Variants in TMEM178B observed in about 807,000 individuals in gnomAD.
TMEM178B encodes transmembrane protein 178B.
A neutral mutation model predicts 31.0 loss-of-function variants in TMEM178B; 5 were observed. That is an observed-to-expected ratio of 0.16 (90% CI 0.08 to 0.34). The LOEUF (loss-of-function observed/expected upper bound fraction) is 0.34. Among genes scored for constraint, TMEM178B ranks in the 10% least tolerant of loss-of-function variants. TMEM178B has a pLI of 1.00. For synonymous variants in TMEM178B, 164 were observed against 164.0 expected (o/e 1.00, Z 0.00); for missense variants, 275 against 400.3 (o/e 0.69, Z 2.67).
intron 2 of TMEM178B, among the ~76,000 whole-genome samples, chr7:141,306,304 A>G (rs1415140920): frequency 6.6e-6 from 1 of 152,200 alleles, no homozygotes; most frequent in East Asian, 1.9e-4. Flanking sequence ...TAAAAGAAGC[A>G]CATGGGAGGG....
intron 2 of TMEM178B, among the ~76,000 whole-genome samples, chr7:141,345,516 A>G (rs988960279): frequency 6.6e-6 from 1 of 152,214 alleles, no homozygotes; most frequent in Non-Finnish European, 1.5e-5. Flanking sequence ...GTAGTGAATG[A>G]TAGAGTTATC....
At chr7:141,209,061 C>T (rs1008105662) in intron 1 of TMEM178B, among the ~76,000 whole-genome samples, 1 of 152,214 alleles carries the variant, frequency 6.6e-6, no homozygotes, top group Non-Finnish European at 1.5e-5. Context: ...CAAGCCTTGG[C>T]CAGCAGAGCA....
chr7:141,368,704 A>C (rs1317495627), intron 2 of TMEM178B, among the ~76,000 whole-genome samples: 1 of 152,220 alleles, frequency 6.6e-6, no homozygotes, highest in Non-Finnish European at 1.5e-5. Flanking sequence ...TCTGGTTATC[A>C]TAGAAATCCT....
intron 1 of TMEM178B, among the ~76,000 whole-genome samples, chr7:141,075,218 T>C (rs1794583666): frequency 6.6e-6 from 1 of 152,192 alleles, no homozygotes; most frequent in Non-Finnish European, 1.5e-5. Flanking sequence ...TCACAGCCCC[T>C]GTCCTGTAAG....
intron 1 of TMEM178B, among the ~76,000 whole-genome samples, chr7:141,175,349 C>G (rs553887527): frequency 1.7e-4 from 26 of 152,052 alleles, no homozygotes; most frequent in South Asian, 4.2e-4. Flanking sequence ...GTACCATGCT[C>G]TTTTGGTTAC....
chr7:141,498,614 GC>G, the TMEM178B span, among the ~76,000 whole-genome samples: 4 of 152,180 alleles, frequency 2.6e-5, no homozygotes, highest in Non-Finnish European at 5.9e-5. Context: ...TCACCAGGTG[GC>G]TGTGTTTGAT....
chr7:141,327,283 A>G (rs192944429), intron 2 of TMEM178B, among the ~76,000 whole-genome samples: 128 of 152,298 alleles, frequency 8.4e-4, no homozygotes, highest in African/African-American at 3.0e-3. Context: ...GAGTGTAGAA[A>G]GAGCTCAAAT....
chr7:141,257,679 G>A (rs1401134011), intron 2 of TMEM178B, among the ~76,000 whole-genome samples: 3 of 152,186 alleles, frequency 2.0e-5, no homozygotes, highest in African/African-American at 7.2e-5. Flanking sequence ...ATGGAGCGGG[G>A]AGGCAAGGCA....
intron 2 of TMEM178B, among the ~76,000 whole-genome samples, chr7:141,294,850 G>A (rs1057096296): frequency 4.6e-5 from 7 of 152,074 alleles, no homozygotes; most frequent in South Asian, 2.1e-4. Flanking sequence ...TGCCTTTTCC[G>A]CCTTTCAGCT....
intron 2 of TMEM178B, among the ~76,000 whole-genome samples, chr7:141,220,177 G>A (rs556474049): frequency 1.4e-5 from 2 of 145,590 alleles, no homozygotes; most frequent in African/African-American, 5.3e-5. Context: ...AATTAGCTGG[G>A]CGTGGTGACA....
intron 1 of TMEM178B, among the ~76,000 whole-genome samples, chr7:141,156,572 A>G (rs189634410): frequency 9.0e-4 from 137 of 152,374 alleles, no homozygotes; most frequent in Non-Finnish European, 1.6e-3. Context: ...TGATGCTCCC[A>G]GTGACTTCAG....
rs58548651 is a variant in TMEM178B, at chr7:141,475,788, CT to C, written c.*5013del. 0.075 allele frequency: 10,954 copies of C among 146,366 alleles called. 1,352 individuals carry two copies. Among genetic ancestry groups the C allele is most frequent in the African/African-American group, 0.25 (10,263 of 40,472 alleles). The allele number at this position is 146,366 out of a possible 1,614,324, so 9.1% of individuals were successfully genotyped here. A position where few individuals can be genotyped will look rare whatever the true frequency, so the allele number is the denominator to read the frequency against. On this transcript the variant is annotated 3_prime_UTR_variant, in exon 4 of 4. Coordinates refer to ENST00000565468, the MANE Select transcript of TMEM178B (RefSeq NM_001195278.2). ...TGCTTTCCTTCCTTCCTTTTCTTTC[CT>C]TTTTTTTTTTGGTCAGTTGCCATCT... is the stretch of plus-strand genomic sequence containing the variant.
chr7:141,280,783 C>G (rs1798343816), intron 2 of TMEM178B, among the ~76,000 whole-genome samples: 1 of 151,542 alleles, frequency 6.6e-6, no homozygotes, highest in South Asian at 2.1e-4. Context: ...GGGGTGAGAC[C>G]TGGAACTGGC....
intron 2 of TMEM178B, among the ~76,000 whole-genome samples, chr7:141,253,059 G>T (rs1262023179): frequency 1.3e-5 from 2 of 152,228 alleles, no homozygotes; most frequent in African/African-American, 2.4e-5. Flanking sequence ...GCCTCCTCCA[G>T]TTCTGTGGTG....
At chr7:141,215,660 G>A (rs185815453) in intron 2 of TMEM178B, among the ~76,000 whole-genome samples, 13 of 151,946 alleles carry the variant, frequency 8.6e-5, no homozygotes, top group African/African-American at 3.1e-4. Flanking sequence ...ATAATATCTT[G>A]TATTCTGTAA....
chr7:141,410,795 T>C (rs1390946355), intron 2 of TMEM178B, among the ~76,000 whole-genome samples: 1 of 152,186 alleles, frequency 6.6e-6, no homozygotes, highest in Admixed American at 6.5e-5. Flanking sequence ...GCTGTTGCCA[T>C]GACGATCGTA....
intron 3 of TMEM178B, among the ~76,000 whole-genome samples, chr7:141,447,740 G>A (rs146095077): frequency 1.3e-5 from 2 of 152,228 alleles, no homozygotes; most frequent in African/African-American, 4.8e-5. Flanking sequence ...TTAGGGGCTG[G>A]CATGTGCCCC....
intron 1 of TMEM178B, among the ~76,000 whole-genome samples, chr7:141,124,914 ACAGAAT>A (rs1795465176): frequency 6.6e-6 from 1 of 152,210 alleles, no homozygotes; most frequent in Non-Finnish European, 1.5e-5. Flanking sequence ...TTCTCACCAA[ACAGAAT>A]CAAAAGACAA....
chr7:141,135,633 T>C (rs377149677), intron 1 of TMEM178B, among the ~76,000 whole-genome samples: 16 of 152,114 alleles, frequency 1.1e-4, no homozygotes, highest in African/African-American at 3.1e-4. Flanking sequence ...TGAACAACCA[T>C]TGGACCAGTG....
Sources: gnomAD v4.1 joint callset for allele counts (sites outside exome capture counted in the v4.1 genomes callset) on GRCh38, gnomAD v4.1.1 for gene constraint, MANE v1.5 for transcripts, NCBI Gene and HGNC (gene_info 2026-07-23, HGNC 2026-07-21) for gene names.